CACUL1: variants seen among roughly 807,000 people sequenced by gnomAD.
CACUL1 encodes the protein CDK2-associated and cullin domain-containing protein 1.
Under a neutral mutation model 45.2 loss-of-function variants are expected in CACUL1, and 13 were observed. The ratio of observed to expected loss-of-function variants is 0.29; its 90% CI spans 0.19 to 0.46. CACUL1 has a LOEUF of 0.46. CACUL1 is among the 20% of genes least tolerant of loss of function. The pLI is 1.00. For synonymous variants in CACUL1, 197 were observed against 174.2 expected (o/e 1.13, Z -1.03); for missense variants, 421 against 471.4 (o/e 0.89, Z 0.99).
At chr10:118,691,048 C>A (rs1845260359) in intron 7 of CACUL1, among the ~76,000 whole-genome samples, 4 of 152,180 alleles carry the variant, frequency 2.6e-5, no homozygotes, top group African/African-American at 9.6e-5. Context: ...AAGACTCCAT[C>A]TCAAAAACAA....
intron 5 of CACUL1, among the ~76,000 whole-genome samples, chr10:118,700,912 T>C (rs577400835): frequency 3.9e-5 from 6 of 152,322 alleles, no homozygotes; most frequent in African/African-American, 1.4e-4. Context: ...GTTTCTGCAC[T>C]AGAGTAAAAA....
chr10:118,745,657 C>T (rs571885037), intron 1 of CACUL1, among the ~76,000 whole-genome samples: 1 of 152,220 alleles, frequency 6.6e-6, no homozygotes, highest in South Asian at 2.1e-4. Context: ...TTAAACCCTA[C>T]CATATTGGTA....
rs985994738 is a variant in CACUL1, at chr10:118,683,774, C to CTTAT, written c.*2350_*2353dup. 1 of 152,108 alleles carries CTTAT rather than the reference C, an allele frequency of 6.6e-6. No homozygotes were observed. The highest frequency in any genetic ancestry group is 6.6e-5 in the Admixed American group (1 of 15,262). 9.4% of individuals were successfully genotyped at this position (152,108 alleles called of 1,614,324 possible). Reference sequence around the variant, plus strand: ...AAAATGAGAGGAAGGAGGAGGAAATCTTATTTCCTCTCATACTGCAAACTC... The same window carrying CTTAT: ...AAAATGAGAGGAAGGAGGAGGAAATCTTATTTATTTCCTCTCATACTGCAAACTC... On this transcript the variant is annotated 3_prime_UTR_variant, in exon 9 of 9. Coordinates refer to ENST00000369151, the MANE Select transcript of CACUL1 (RefSeq NM_153810.5).
At chr10:118,739,776 G>A (rs1845774539) in intron 1 of CACUL1, among the ~76,000 whole-genome samples, 1 of 152,202 alleles carries the variant, frequency 6.6e-6, no homozygotes, top group South Asian at 2.1e-4. Context: ...AAAAACAAAA[G>A]CTGATTTGTT....
chr10:118,713,169 C>CTA (rs1845507913), intron 3 of CACUL1, among the ~76,000 whole-genome samples: 1 of 152,154 alleles, frequency 6.6e-6, no homozygotes, highest in Non-Finnish European at 1.5e-5. Context: ...CTGCCCTCAG[C>CTA]GTGTGCACAG....
At position 118,754,433 on chromosome 10, in the gene CACUL1, G is replaced by C. The variant is rs200687119; in HGVS notation, c.330C>G (p.Ser110Arg). Residue 110 changes from serine to arginine, a missense_variant, in exon 1 of 9, where the codon AGC becomes AGG. Ser to Arg is a moderately radical substitution (Grantham distance 110). Coordinates refer to ENST00000369151, the MANE Select transcript of CACUL1 (RefSeq NM_153810.5). ...TGGAGGTGTTGATGTTGATGGTGGA[G>C]CTGGCGGTGGGGGCGGGGGCCGCCT... ...VAKAAPAPTA[S>R]STININTSTS... is the part of the protein sequence containing the mutation. 117 of 1,597,644 alleles carry C rather than the reference G, an allele frequency of 7.3e-5. 1 individual carries two copies. The highest frequency in any genetic ancestry group is 4.6e-4 in the South Asian group (41 of 89,172).
chr10:118,750,803 A>G (rs1221835332), intron 1 of CACUL1, among the ~76,000 whole-genome samples: 1 of 62,996 alleles, frequency 1.6e-5, no homozygotes. Flanking sequence ...TTGTCAACCT[A>G]AAGGTGGAAA....
chr10:118,750,300 T>C (rs1452261648), intron 1 of CACUL1, among the ~76,000 whole-genome samples: 6 of 151,414 alleles, frequency 4.0e-5, no homozygotes, highest in Non-Finnish European at 7.4e-5. Flanking sequence ...CACTCCAGCC[T>C]GGCGACAGAG....
intron 6 of CACUL1, 138 bp from the exon 7 acceptor site, chr10:118,691,541 A>G: frequency 1.3e-6 from 1 of 743,116 alleles, no homozygotes; most frequent in South Asian, 1.6e-5. Context: ...CCATTCTGGT[A>G]AAGAACATAC....
intron 1 of CACUL1, among the ~76,000 whole-genome samples, chr10:118,742,939 G>A (rs556989818): frequency 4.6e-5 from 7 of 152,224 alleles, no homozygotes; most frequent in South Asian, 4.1e-4. Context: ...AACTTTAGAC[G>A]CAACAAGTCA....
chr10:118,730,481 G>C lies in CACUL1; in HGVS notation c.368-71C>G, dbSNP rs962202821. 12 of 1,409,316 alleles carry C rather than the reference G, an allele frequency of 8.5e-6. No homozygotes were observed. In the African/African-American group the frequency reaches 8.6e-5, roughly 10 times the overall value. The allele number at this position is 1,409,316 out of a possible 1,614,324, so 87.3% of individuals were successfully genotyped here. On this transcript the variant is annotated intron_variant, in intron 1 of 8. Coordinates refer to ENST00000369151, the MANE Select transcript of CACUL1 (RefSeq NM_153810.5). Reference sequence around the variant, plus strand: ...AGCAAACACAAATCACAGCCATTTTGCACTCTCAAATTCCTCTCACTTACT... The same window carrying C: ...AGCAAACACAAATCACAGCCATTTTCCACTCTCAAATTCCTCTCACTTACT...
At chr10:118,688,478 TA>T (rs1845229787) in intron 7 of CACUL1, among the ~76,000 whole-genome samples, 1 of 152,160 alleles carries the variant, frequency 6.6e-6, no homozygotes, top group East Asian at 1.9e-4. Context: ...CATGTAAATA[TA>T]ACAGGAGAAA....
In CACUL1 at chr10:118,683,710, G is replaced by A. The variant is rs1845178191; in HGVS notation, c.*2418C>T. The A allele has an allele frequency of 6.6e-6, 1 of 151,868 alleles. No homozygotes were observed. The highest frequency in any genetic ancestry group is 1.5e-5 in the Non-Finnish European group (1 of 67,946). 9.4% of individuals were successfully genotyped at this position (151,868 alleles called of 1,614,324 possible). On this transcript the variant is annotated 3_prime_UTR_variant, in exon 9 of 9. Transcript: ENST00000369151. Reference sequence around the variant, plus strand: ...ACTCCATCTCAAAAACAAAATATAAGAAAACAGAAGAAAACAGTTTCTGGC... The same window carrying A: ...ACTCCATCTCAAAAACAAAATATAAAAAAACAGAAGAAAACAGTTTCTGGC...
chr10:118,745,299 T>C (rs1195255459), intron 1 of CACUL1, among the ~76,000 whole-genome samples: 2 of 152,146 alleles, frequency 1.3e-5, no homozygotes, highest in Non-Finnish European at 2.9e-5. Context: ...GGCTCATGAC[T>C]GTAATCCTAG....
intron 3 of CACUL1, among the ~76,000 whole-genome samples, chr10:118,725,833 C>T (rs1344367730): frequency 2.6e-5 from 4 of 152,200 alleles, no homozygotes; most frequent in African/African-American, 7.2e-5. Context: ...CTAGTTTTTA[C>T]GTCAACACCA....
At chr10:118,718,000 C>T (rs1845563838) in intron 3 of CACUL1, among the ~76,000 whole-genome samples, 2 of 152,126 alleles carry the variant, frequency 1.3e-5, no homozygotes, top group Admixed American at 1.3e-4. Flanking sequence ...TGAACAAAAA[C>T]TGCCTGTGCC....
intron 1 of CACUL1, among the ~76,000 whole-genome samples, chr10:118,739,080 C>G (rs558376576): frequency 9.2e-5 from 14 of 151,614 alleles, no homozygotes; most frequent in African/African-American, 3.1e-4. Context: ...CCTGTATTCC[C>G]AGCTACTCGG....
In CACUL1 at chr10:118,695,193, G is replaced by T; in HGVS notation, c.834C>A (p.Val278=). The T allele has an allele frequency of 6.2e-7, 1 of 1,609,100 alleles. No individual in the cohort carries two copies. Among genetic ancestry groups the T allele is most frequent in the South Asian group, 1.1e-5 (1 of 90,938 alleles). The change falls in exon 6 of 9, where the codon GTC becomes GTA. Residue 278 remains valine (V), a synonymous_variant. Transcript: ENST00000369151. The stretch of plus-strand genomic sequence containing the variant: ...CAATATTTGCCATAGTTGAAGGTGT[G>T]ACCTGAAATGGTGTTGACTGGGCTT... ...LLEAQSTPFQ[V]TPSTMANIVK...
At chr10:118,706,709 T>C (rs913630502) in intron 4 of CACUL1, among the ~76,000 whole-genome samples, 2 of 152,218 alleles carry the variant, frequency 1.3e-5, no homozygotes, top group African/African-American at 2.4e-5. Context: ...ACTATTAAAA[T>C]TGTTGTCAGT....
Sources: allele counts gnomAD v4.1 joint callset (sites outside exome capture counted in the v4.1 genomes callset), GRCh38; gene constraint gnomAD v4.1.1; transcripts MANE v1.5; gene names NCBI Gene and HGNC (gene_info 2026-07-23, HGNC 2026-07-21).